VTCN1: variants seen among roughly 807,000 people sequenced by gnomAD.
VTCN1 encodes V-set domain-containing T-cell activation inhibitor 1.
VTCN1 carries 26 observed loss-of-function variants against 26.5 expected under a neutral mutation model. That is an observed-to-expected ratio of 0.98 (90% CI 0.72 to 1.36). VTCN1 has a LOEUF of 1.36. VTCN1 is among the 40% of genes most tolerant of loss of function. The pLI is 0.00. For missense variants in VTCN1, 298 were observed against 337.7 expected, an observed-to-expected ratio of 0.88 and a Z score of 0.92; for synonymous variants, 116 against 130.7, an observed-to-expected ratio of 0.89 and a Z score of 0.77.
At position 117,164,499 on chromosome 1, in the gene VTCN1, T is replaced by G. The variant is rs999966852; in HGVS notation, c.97+5608A>C. ...AAATTGTGCAGTTCCTAGGAGGTGC[T>G]ATATGAATGCGTTAATAATAGCAGA... On this transcript the variant is annotated intron_variant, in intron 2 of 5. Transcript: ENST00000369458. Among the ~76,000 whole-genome samples, 4 of 151,428 alleles carry G rather than the reference T, an allele frequency of 2.6e-5. No homozygotes were observed. The South Asian group carries it at 8.3e-4, about 31-fold the overall frequency.
chr1:117,209,860 A>G (rs1649271851), intron 1 of VTCN1, among the ~76,000 whole-genome samples: 1 of 152,190 alleles, frequency 6.6e-6, no homozygotes, highest in South Asian at 2.1e-4. Context: ...TGCCTCTGGG[A>G]AGTAACATTA....
intron 1 of VTCN1, among the ~76,000 whole-genome samples, chr1:117,198,640 C>T (rs1418319602): frequency 1.3e-5 from 2 of 152,152 alleles, no homozygotes; most frequent in Non-Finnish European, 2.9e-5. Context: ...GCACCACCCA[C>T]CTGGTAGTTG....
chr1:117,195,905 C>T (rs1025110645), intron 1 of VTCN1, among the ~76,000 whole-genome samples: 5 of 152,090 alleles, frequency 3.3e-5, no homozygotes, highest in African/African-American at 2.4e-5. Context: ...AATCCTAGCA[C>T]TTTAGGAGGA....
chr1:117,154,541 T>G (rs1200108451), intron 3 of VTCN1, among the ~76,000 whole-genome samples: 1 of 152,038 alleles, frequency 6.6e-6, no homozygotes, highest in East Asian at 1.9e-4. Flanking sequence ...CCAAGCACTT[T>G]GGGAGGCTGA....
chr1:117,153,919 AG>A (rs1651932220), intron 3 of VTCN1, among the ~76,000 whole-genome samples: 1 of 152,206 alleles, frequency 6.6e-6, no homozygotes, highest in Admixed American at 6.5e-5. Context: ...GGATAGAAAC[AG>A]ACATTTGTTT....
chr1:117,185,488 G>A (rs1647889025), intron 1 of VTCN1, among the ~76,000 whole-genome samples: 1 of 151,282 alleles, frequency 6.6e-6, no homozygotes, highest in African/African-American at 2.4e-5. Context: ...CCACCTGAAT[G>A]GACCCCTCCT....
intron 3 of VTCN1, among the ~76,000 whole-genome samples, chr1:117,156,204 T>G (rs948627241): frequency 6.6e-6 from 1 of 152,210 alleles, no homozygotes; most frequent in Non-Finnish European, 1.5e-5. Flanking sequence ...GTCATGAGTC[T>G]CTGAAGATAC....
At chr1:117,190,064 C>T (rs1469088517) in intron 1 of VTCN1, among the ~76,000 whole-genome samples, 1 of 152,244 alleles carries the variant, frequency 6.6e-6, no homozygotes, top group East Asian at 1.9e-4. Flanking sequence ...TCACACACCA[C>T]ACACAAGTGC....
intron 4 of VTCN1, among the ~76,000 whole-genome samples, chr1:117,150,211 A>C (rs1651717248): frequency 6.6e-6 from 1 of 152,214 alleles, no homozygotes; most frequent in Non-Finnish European, 1.5e-5. Context: ...AGTGGAGTCA[A>C]AGTCCTTCTT....
At chr1:117,176,035 G>T (rs1280931808) in intron 1 of VTCN1, among the ~76,000 whole-genome samples, 3 of 152,216 alleles carry the variant, frequency 2.0e-5, no homozygotes, top group Middle Eastern at 3.4e-3. Flanking sequence ...CTCCCAAAGT[G>T]CTGGGATTAC....
At chr1:117,170,365 G>T in intron 1 of VTCN1, 194 bp from the exon 2 acceptor site, 1 of 687,928 alleles carries the variant, frequency 1.5e-6, no homozygotes, top group Non-Finnish European at 2.7e-6. Flanking sequence ...CATCCCCCTG[G>T]GGCTCTGGGA....
At chr1:117,165,095 T>C (rs1252137618) in intron 2 of VTCN1, among the ~76,000 whole-genome samples, 1 of 152,258 alleles carries the variant, frequency 6.6e-6, no homozygotes, top group Non-Finnish European at 1.5e-5. Flanking sequence ...TAAAACACCC[T>C]TCTCCACTAC....
In VTCN1 at chr1:117,159,462, A is replaced by G. The variant is rs1652259272; in HGVS notation, c.98-2541T>C. Among the ~76,000 whole-genome samples the G allele has an allele frequency of 6.6e-6, 1 of 152,230 alleles. No individual in the cohort carries two copies. The highest frequency in any genetic ancestry group is 6.5e-5 in the Admixed American group (1 of 15,284). ...ATGGGGGGAACCACCCCCATGATTC[A>G]AATGATCTCCCACCAGGTCCCTCCC... On this transcript the variant is annotated intron_variant, in intron 2 of 5. Transcript: ENST00000369458. The surrounding 1 kb of genome is among the most constrained non-coding windows in gnomAD (Gnocchi z 4.7).
At chr1:117,157,635 T>A (rs939500700) in intron 2 of VTCN1, among the ~76,000 whole-genome samples, 1 of 152,058 alleles carries the variant, frequency 6.6e-6, no homozygotes, top group African/African-American at 2.4e-5. Context: ...GAGATTTGGG[T>A]GGGGACACAG....
rs981860037 is a variant in VTCN1, at chr1:117,181,597, C to A, written c.33-11426G>T. Among the ~76,000 whole-genome samples, 4 of 152,312 alleles carry A rather than the reference C, an allele frequency of 2.6e-5. No homozygotes were observed. In the East Asian group the frequency reaches 7.7e-4, roughly 29 times the overall value. ...CTCAGGCTCCTTCCTGAGGGCCAGCCCAGAACGTGCCCTCCCTTCTCTTTT... is the reference window on the plus strand; with the variant it reads ...CTCAGGCTCCTTCCTGAGGGCCAGCACAGAACGTGCCCTCCCTTCTCTTTT... On this transcript the variant is annotated intron_variant, in intron 1 of 5. Coordinates refer to ENST00000369458, the MANE Select transcript of VTCN1 (RefSeq NM_024626.4).
intron 1 of VTCN1, among the ~76,000 whole-genome samples, chr1:117,174,545 T>G (rs1051409856): frequency 2.6e-5 from 4 of 152,284 alleles, no homozygotes; most frequent in South Asian, 2.1e-4. Flanking sequence ...GGCGGGCGGA[T>G]TACCTGAGGT....
Position 117,159,621 on chromosome 1 carries a change from G to GT in VTCN1, c.98-2701dup, listed in dbSNP as rs1289357857. ...TGGATATTAACCTGATTTGCAAACTGTAATTACACATATAAGGTATTGTTA... is the reference window on the plus strand; with the variant it reads ...TGGATATTAACCTGATTTGCAAACTGTTAATTACACATATAAGGTATTGTTA... On this transcript the variant is annotated intron_variant, in intron 2 of 5. Transcript: ENST00000369458. This position sits in a 1 kb window ranked among gnomAD's most constrained non-coding sequence, Gnocchi z 4.7. Among the ~76,000 whole-genome samples, 1 of 152,194 alleles carries GT rather than the reference G, an allele frequency of 6.6e-6. No individual in the cohort carries two copies. The highest frequency in any genetic ancestry group is 2.4e-5 in the African/African-American group (1 of 41,452).
intron 1 of VTCN1, chr1:117,173,320 A>G (rs192386972): frequency 1.5e-5 from 9 of 597,538 alleles, no homozygotes; most frequent in Admixed American, 2.8e-5. Flanking sequence ...TCCTAATCCA[A>G]TATGGCTGGT....
At chr1:117,165,089 A>G (rs145083378) in intron 2 of VTCN1, among the ~76,000 whole-genome samples, 40 of 152,318 alleles carry the variant, frequency 2.6e-4, no homozygotes, top group Admixed American at 2.5e-3. Context: ...AAACCATAAA[A>G]CACCCTTCTC....
Sources: gnomAD v4.1 joint callset for allele counts (sites outside exome capture counted in the v4.1 genomes callset) on GRCh38, gnomAD v4.1.1 for gene constraint, Gnocchi (gnomAD v3.1) non-coding constraint, MANE v1.5 for transcripts, NCBI Gene and HGNC (gene_info 2026-07-23, HGNC 2026-07-21) for gene names.